The following SYTL5 variants were observed in gnomAD, a reference collection of about 807,000 sequenced individuals.
The protein encoded by SYTL5 is synaptotagmin like 5.
Under a neutral mutation model 55.9 loss-of-function variants are expected in SYTL5, and 34 were observed. The observed-to-expected ratio is 0.61, with a 90% CI of 0.46 to 0.81. The LOEUF is 0.81. Ranked by LOEUF, SYTL5 falls within the 30% of genes least tolerant of loss-of-function variation. The probability of loss-of-function intolerance (pLI) is 0.00; values close to 1 mark genes in which losing one functional copy is unlikely to be tolerated. For missense variants in SYTL5, 637 were observed against 546.7 expected (o/e 1.17, Z -1.65); for synonymous variants, 221 against 188.7 (o/e 1.17, Z -1.40).
the SYTL5 span, among the ~76,000 whole-genome samples, chrX:37,996,433 A>G: frequency 2.7e-5 from 3 of 112,361 alleles, no homozygotes; most frequent in African/African-American, 9.7e-5. Context: ...TGTGGTCAGG[A>G]CAGCACTGGT....
the SYTL5 span, among the ~76,000 whole-genome samples, chrX:37,936,155 A>G: frequency 8.9e-6 from 1 of 112,503 alleles, no homozygotes; most frequent in Non-Finnish European, 1.9e-5. Context: ...AACAGTGTCA[A>G]TCCAACAAGA....
intron 14 of SYTL5, 23 bp downstream of exon 14, chrX:38,120,489 T>C: frequency 3.7e-6 from 4 of 1,095,628 alleles, no homozygotes; most frequent in Non-Finnish European, 5.1e-6. Context: ...TCAATGACTT[T>C]GATCAATGAC....
Position 38,122,226 on chromosome X carries a change from T to A in SYTL5, c.1841+11T>A. On this transcript the variant is annotated intron_variant, in intron 15 of 16. Transcript: ENST00000297875. ...TAGCTTTGTGAAGGGGTAACTTTGT[T>A]TTAGCTCTTTTTGGATGATACTTAA... 1.7e-6 allele frequency: 2 copies of A among 1,196,808 alleles called. No individual in the cohort carries two copies. Among genetic ancestry groups the A allele is most frequent in the Non-Finnish European group, 2.3e-6 (2 of 885,814 alleles).
At chrX:37,996,116 C>T in the SYTL5 span, among the ~76,000 whole-genome samples, 4,611 of 111,913 alleles carry the variant, frequency 0.041, 241 homozygotes, top group African/African-American at 0.14. Flanking sequence ...TGCAAGCTCT[C>T]TGCAGAGTCA....
chrX:38,092,232 G>T (rs1184279306), intron 7 of SYTL5, among the ~76,000 whole-genome samples: 1 of 111,607 alleles, frequency 9.0e-6, no homozygotes, highest in East Asian at 2.8e-4. Flanking sequence ...ATCTCCACAG[G>T]GATAGAACTG....
chrX:37,966,943 G>T, the SYTL5 span, among the ~76,000 whole-genome samples: 4 of 111,498 alleles, frequency 3.6e-5, no homozygotes, highest in Non-Finnish European at 7.5e-5. Context: ...TTTTTGTAAG[G>T]CATGTCTAGT....
chrX:38,122,286 T>C, intron 15 of SYTL5, 71 bp downstream of exon 15: 4 of 984,435 alleles, frequency 4.1e-6, no homozygotes, highest in Non-Finnish European at 5.6e-6. Flanking sequence ...CACAAGCCAC[T>C]GGTGGCTGTG....
intron 3 of SYTL5, among the ~76,000 whole-genome samples, chrX:38,055,800 T>C (rs939106142): frequency 8.9e-6 from 1 of 111,923 alleles, no homozygotes; most frequent in Non-Finnish European, 1.9e-5. Flanking sequence ...AACTATGTTT[T>C]AATACTGGAT....
chrX:38,078,573 A>G lies in SYTL5; in HGVS notation c.689+1872A>G, dbSNP rs373709713. ...CCGCACCCGGCCAATGTTCCTTGTT[A>G]AAGAAAAAAAAAAGGCTGCCAGCCT... On this transcript the variant is annotated intron_variant, in intron 6 of 16. Transcript: ENST00000297875. 1.6e-3 allele frequency among the ~76,000 whole-genome samples: 176 copies of G among 111,457 alleles called. No homozygotes were observed. In the Middle Eastern group the frequency reaches 0.019, roughly 12 times the overall value.
the SYTL5 span, among the ~76,000 whole-genome samples, chrX:37,944,124 C>T: frequency 3.9e-3 from 433 of 111,199 alleles, 2 homozygotes; most frequent in Middle Eastern, 0.018. Flanking sequence ...CCTGACATAG[C>T]TGAGGAATTT....
chrX:37,969,721 C>T, the SYTL5 span, among the ~76,000 whole-genome samples: 1 of 109,007 alleles, frequency 9.2e-6, no homozygotes, highest in South Asian at 4.0e-4. Flanking sequence ...CAATCTTCAC[C>T]TCCTGGGTTC....
the SYTL5 span, among the ~76,000 whole-genome samples, chrX:37,998,040 C>G: frequency 8.9e-6 from 1 of 111,992 alleles, no homozygotes; most frequent in African/African-American, 3.2e-5. Context: ...GAGGAGCTTC[C>G]CACTCCAAGG....
At chrX:38,080,596 C>G (rs755403278) in intron 6 of SYTL5, among the ~76,000 whole-genome samples, 62 of 111,878 alleles carry the variant, frequency 5.5e-4, no homozygotes, top group Middle Eastern at 4.6e-3. Flanking sequence ...TTAGCTAGTT[C>G]TTGTCCTCAT....
Position 38,108,637 on chromosome X carries a change from A to G in SYTL5, c.1372A>G (p.Asn458Asp). 6.6e-6 allele frequency: 8 copies of G among 1,204,102 alleles called. No individual in the cohort carries two copies. The highest frequency in any genetic ancestry group is 9.0e-6 in the Non-Finnish European group (8 of 890,659). Residue 458 changes from asparagine to aspartate, a missense_variant, in exon 12 of 17, where the codon AAC becomes GAC. Coordinates refer to ENST00000297875, the MANE Select transcript of SYTL5 (RefSeq NM_138780.3). Reference protein sequence around the residue: ...KSYLLPDKSRNNKRKTKIRTG... With the variant: ...KSYLLPDKSRDNKRKTKIRTG... Reference sequence around the variant, plus strand: ...ATATCTTCTTCCTGACAAGTCCCGGAACAACAAGCGTAAGACCAAAATCAG... The same window carrying G: ...ATATCTTCTTCCTGACAAGTCCCGGGACAACAAGCGTAAGACCAAAATCAG...
chrX:37,905,149 C>G, the SYTL5 span, among the ~76,000 whole-genome samples: 1 of 110,957 alleles, frequency 9.0e-6, no homozygotes, highest in East Asian at 2.8e-4. Flanking sequence ...TTGGGTGGAG[C>G]CTTGGCTTTT....
chrX:38,110,546 A>G, intron 13 of SYTL5, 64 bp downstream of exon 13: 1 of 938,841 alleles, frequency 1.1e-6, no homozygotes, highest in Non-Finnish European at 1.4e-6. Context: ...AATTGATGTC[A>G]CAGACCTAAA....
intron 1 of SYTL5, among the ~76,000 whole-genome samples, chrX:38,030,112 C>T (rs183882740): frequency 5.5e-4 from 61 of 110,859 alleles, no homozygotes; most frequent in African/African-American, 1.9e-3. Context: ...TTTTTTTAAC[C>T]TTCTAGGTTG....
At chrX:38,027,827 T>C (rs1047980294) in intron 1 of SYTL5, among the ~76,000 whole-genome samples, 2 of 95,688 alleles carry the variant, frequency 2.1e-5, no homozygotes, top group East Asian at 2.9e-4. Flanking sequence ...TCTTCTTCTT[T>C]TTTTTTTTTT....
At chrX:38,089,138 T>C (rs1460908067) in intron 6 of SYTL5, among the ~76,000 whole-genome samples, 1 of 111,809 alleles carries the variant, frequency 8.9e-6, no homozygotes, top group Non-Finnish European at 1.9e-5. Flanking sequence ...GAAGTCAAGA[T>C]GGTGAGCTGA....
Sources: allele counts gnomAD v4.1 joint callset (sites outside exome capture counted in the v4.1 genomes callset), GRCh38; gene constraint gnomAD v4.1.1; transcripts MANE v1.5; gene names NCBI Gene and HGNC (gene_info 2026-07-23, HGNC 2026-07-21).